The following L3MBTL2 variants were observed in gnomAD, a reference collection of about 807,000 sequenced individuals.
L3MBTL2 encodes L3MBTL histone methyl-lysine binding protein 2.
A neutral mutation model predicts 86.4 loss-of-function variants in L3MBTL2; 49 were observed. The ratio of observed to expected loss-of-function variants is 0.57; its 90% confidence interval spans 0.45 to 0.72. The LOEUF is 0.72. L3MBTL2 is among the 30% of genes least tolerant of loss of function. The pLI, the probability that L3MBTL2 is intolerant of heterozygous loss-of-function variation, is 0.00. For synonymous variants in L3MBTL2, 336 were observed against 350.6 expected (o/e 0.96, Z 0.47); for missense variants, 755 against 923.7 (o/e 0.82, Z 2.37).
chr22:41,217,212 C>G lies in L3MBTL2; in HGVS notation c.600+10C>G. On this transcript the variant is annotated intron_variant, in intron 5 of 16. Transcript: ENST00000216237. ...CAGCTGTTTCAAGCACGTGAGTGCC[C>G]TGGAGCTGAGGGAGGGAGGCCGGGG... 6.2e-7 allele frequency: 1 copy of G among 1,608,868 alleles called. No individual in the cohort carries two copies. Among genetic ancestry groups the G allele is most frequent in the South Asian group, 1.1e-5 (1 of 90,982 alleles).
chr22:41,216,448 C>T (rs1338415533), intron 4 of L3MBTL2, among the ~76,000 whole-genome samples, 186 bp downstream of exon 4: 2 of 152,174 alleles, frequency 1.3e-5, no homozygotes, highest in Non-Finnish European at 2.9e-5. Context: ...AGAAAAATGC[C>T]TTCAAACACC....
chr22:41,211,623 C>G (rs1411515060), intron 2 of L3MBTL2, among the ~76,000 whole-genome samples: 1 of 134,884 alleles, frequency 7.4e-6, no homozygotes, highest in South Asian at 2.3e-4. Context: ...GTGACATGAT[C>G]TTGGCTCACT....
At chr22:41,206,443 T>TCC (rs933874815) in intron 1 of L3MBTL2, among the ~76,000 whole-genome samples, 35 of 152,212 alleles carry the variant, frequency 2.3e-4, no homozygotes, top group Admixed American at 2.2e-3. Context: ...CACCTCAGCC[T>TCC]CCTAAGTAGC....
chr22:41,213,834 A>G, intron 2 of L3MBTL2, 59 bp from the exon 3 acceptor site: 1 of 1,597,712 alleles, frequency 6.3e-7, no homozygotes, highest in Non-Finnish European at 8.6e-7. Context: ...AGGGCCCATC[A>G]CTTTGTTTGC....
intron 2 of L3MBTL2, among the ~76,000 whole-genome samples, chr22:41,212,160 G>A (rs1448151522): frequency 1.3e-5 from 2 of 152,014 alleles, no homozygotes; most frequent in African/African-American, 2.4e-5. Context: ...CACCGCTCCC[G>A]GCCTTACTTC....
rs752701568 is a variant in L3MBTL2, at chr22:41,230,130, C to T, written c.2006-9C>T. ...CTCGCCCACCCACCCGCCTCCCCTC[C>T]CTCTTCAGTCATTGCTGTGCGTGTG... On this transcript the variant is annotated splice_polypyrimidine_tract_variant and intron_variant, in intron 16 of 16. Coordinates refer to ENST00000216237, the MANE Select transcript of L3MBTL2 (RefSeq NM_031488.5). 9.5e-6 allele frequency: 15 copies of T among 1,576,588 alleles called. No individual in the cohort carries two copies. The highest frequency in any genetic ancestry group is 1.2e-5 in the Non-Finnish European group (14 of 1,147,434).
At chr22:41,222,322 C>T (rs1050081207) in intron 8 of L3MBTL2, among the ~76,000 whole-genome samples, 2 of 152,210 alleles carry the variant, frequency 1.3e-5, no homozygotes, top group African/African-American at 4.8e-5. Flanking sequence ...AATATAGCCT[C>T]GGTTCTGAGC....
intron 1 of L3MBTL2, 108 bp downstream of exon 1, chr22:41,205,494 G>A (rs2030132934): frequency 7.5e-7 from 1 of 1,325,570 alleles, no homozygotes; most frequent in Admixed American, 1.7e-5. Context: ...GAGGGTGGGA[G>A]GATGGATAAA....
At chr22:41,220,582 C>T (rs1281083770) in intron 6 of L3MBTL2, 152 bp from the exon 7 acceptor site, 2 of 683,444 alleles carry the variant, frequency 2.9e-6, no homozygotes, top group Non-Finnish European at 2.3e-6. Flanking sequence ...TCCAGCTACT[C>T]TGGAGGTGGA....
At position 41,224,998 on chromosome 22, in the gene L3MBTL2, T is replaced by C; in HGVS notation, c.1283T>C (p.Phe428Ser). The C allele has an allele frequency of 1.9e-6, 3 of 1,613,920 alleles. No individual in the cohort carries two copies. The highest frequency in any genetic ancestry group is 2.5e-6 in the Non-Finnish European group (3 of 1,179,946). The change falls in exon 11 of 17, where the codon TTT becomes TCT. Residue 428 changes from phenylalanine (F) to serine (S), a missense_variant. Around this residue, in one of 3 missense-constraint regions of L3MBTL2, gnomAD observed 634 missense variants for 748.9 expected, o/e 0.85. Transcript: ENST00000216237. This position sits in a 1 kb window ranked among gnomAD's most constrained non-coding sequence, Gnocchi z 4.9. ...GCAGTCTACACAGAAGGCGGTTGGT[T>C]TGAGGAAGGGATGAAGCTGGAGGCC... is the stretch of plus-strand genomic sequence containing the variant. ...VRAVYTEGGW[F>S]EEGMKLEAID...
At chr22:41,219,233 A>G (rs917984146) in intron 5 of L3MBTL2, 186 bp from the exon 6 acceptor site, 11 of 516,054 alleles carry the variant, frequency 2.1e-5, no homozygotes, top group Non-Finnish European at 3.9e-5. Context: ...CTCCACCTCT[A>G]CTCCCGGCTT....
chr22:41,216,833 G>C (rs1395552925), intron 4 of L3MBTL2, among the ~76,000 whole-genome samples: 1 of 152,198 alleles, frequency 6.6e-6, no homozygotes, highest in Non-Finnish European at 1.5e-5. Flanking sequence ...TAAGCCCAGG[G>C]ATATTTCAGT....
chr22:41,210,947 A>C (rs2030722421), intron 2 of L3MBTL2, among the ~76,000 whole-genome samples: 1 of 152,190 alleles, frequency 6.6e-6, no homozygotes. Context: ...GAGAAGGGAC[A>C]AATAACTTGT....
Position 41,225,617 on chromosome 22 carries a change from G to A in L3MBTL2, c.1357-177G>A, listed in dbSNP as rs770981238. Among the ~76,000 whole-genome samples, 15 of 152,342 alleles carry A rather than the reference G, an allele frequency of 9.8e-5. 1 individual carries two copies. Among genetic ancestry groups the A allele is most frequent in the East Asian group, 5.8e-4 (3 of 5,188 alleles). Reference sequence around the variant, plus strand: ...TAGTGGGGAAGAGAAAGAATCCCACGCGTATGCATCACAGAAGTACTGTGT... The same window carrying A: ...TAGTGGGGAAGAGAAAGAATCCCACACGTATGCATCACAGAAGTACTGTGT... On this transcript the variant is annotated intron_variant, in intron 11 of 16. Coordinates refer to ENST00000216237, the MANE Select transcript of L3MBTL2 (RefSeq NM_031488.5). The surrounding 1 kb of genome is among the most constrained non-coding windows in gnomAD (Gnocchi z 4.1).
At chr22:41,229,101 T>G (rs58127055) in intron 15 of L3MBTL2, among the ~76,000 whole-genome samples, 1 of 151,696 alleles carries the variant, frequency 6.6e-6, no homozygotes, top group African/African-American at 2.4e-5. Context: ...TTAAAAAAAA[T>G]TTTTAATTAG....
In L3MBTL2 at chr22:41,224,362, C is replaced by G; in HGVS notation, c.1174+111C>G. ...TCAGCAGGTGGAGGTTGGCATGGCC[C>G]CCCTGCAGTGATGATACTGAGCTCC... On this transcript the variant is annotated intron_variant, in intron 9 of 16. Coordinates refer to ENST00000216237, the MANE Select transcript of L3MBTL2 (RefSeq NM_031488.5). The surrounding 1 kb of genome is among the most constrained non-coding windows in gnomAD (Gnocchi z 4.9). The G allele has an allele frequency of 1.3e-6, 1 of 763,840 alleles. No homozygotes were observed. Among genetic ancestry groups the G allele is most frequent in the Non-Finnish European group, 2.1e-6 (1 of 468,962 alleles). 47.3% of individuals were successfully genotyped at this position (763,840 alleles called of 1,614,324 possible). A position where few individuals can be genotyped will look rare whatever the true frequency, so the allele number is the denominator to read the frequency against.
Position 41,224,872 on chromosome 22 carries a change from T to C in L3MBTL2, c.1251+71T>C. The C allele has an allele frequency of 1.3e-6, 2 of 1,561,458 alleles. No individual in the cohort carries two copies. The highest frequency in any genetic ancestry group is 3.3e-5 in the Admixed American group (2 of 59,738). ...TTCCGGGCCTGAGGGACCTGGCTCT[T>C]CCCCTGGGACCATCCCTTTCCCTCC... On this transcript the variant is annotated intron_variant, in intron 10 of 16. Transcript: ENST00000216237. The surrounding 1 kb of genome is among the most constrained non-coding windows in gnomAD (Gnocchi z 4.9).
rs754653508 is a variant in L3MBTL2, at chr22:41,227,554, T to C, written c.1822+231T>C. 12 of 1,534,252 alleles carry C rather than the reference T, an allele frequency of 7.8e-6. No individual in the cohort carries two copies. The African/African-American group carries it at 1.2e-4, about 16-fold the overall frequency. Reference sequence around the variant, plus strand: ...TTCATCTTGCCCACTCTGTCATATGTTCGTGCCCTTGTGCACCCAGGTAAA... The same window carrying C: ...TTCATCTTGCCCACTCTGTCATATGCTCGTGCCCTTGTGCACCCAGGTAAA... On this transcript the variant is annotated intron_variant, in intron 14 of 16. Coordinates refer to ENST00000216237, the MANE Select transcript of L3MBTL2 (RefSeq NM_031488.5). This position sits in a 1 kb window ranked among gnomAD's most constrained non-coding sequence, Gnocchi z 6.0.
At chr22:41,219,596 G>C in intron 6 of L3MBTL2, 60 bp downstream of exon 6, 1 of 1,109,884 alleles carries the variant, frequency 9.0e-7, no homozygotes. Context: ...CTCTAGATGG[G>C]TGAACAGTGT....
Sources: allele counts gnomAD v4.1 joint callset (sites outside exome capture counted in the v4.1 genomes callset), GRCh38; gene constraint gnomAD v4.1.1; regional missense constraint gnomAD v4.1.1; non-coding constraint Gnocchi (gnomAD v3.1); transcripts MANE v1.5; gene names NCBI Gene and HGNC (gene_info 2026-07-23, HGNC 2026-07-21).